Variants in CKAP5 observed in about 807,000 individuals in gnomAD.
CKAP5 encodes cytoskeleton-associated protein 5.
Under a neutral mutation model 232.8 loss-of-function variants are expected in CKAP5, and 27 were observed. That is an observed-to-expected ratio of 0.12 (90% CI 0.09 to 0.16). The LOEUF (loss-of-function observed/expected upper bound fraction) is 0.16. Among genes scored for constraint, CKAP5 ranks in the 10% least tolerant of loss-of-function variants. The pLI is 1.00. For missense variants in CKAP5, 1,838 were observed against 2,424.7 expected, an observed-to-expected ratio of 0.76 and a Z score of 5.08; for synonymous variants, 785 against 841.1, an observed-to-expected ratio of 0.93 and a Z score of 1.16.
intron 4 of CKAP5, among the ~76,000 whole-genome samples, chr11:46,811,478 C>T (rs1939273035): frequency 6.6e-6 from 1 of 151,188 alleles, no homozygotes; most frequent in African/African-American, 2.4e-5. Flanking sequence ...GTTTAATACC[C>T]TTTTTTTTTC....
intron 12 of CKAP5, 43 bp downstream of exon 12, chr11:46,796,769 C>A: frequency 6.2e-7 from 1 of 1,606,664 alleles, no homozygotes; most frequent in Non-Finnish European, 8.5e-7. Context: ...TGCAAAGAGA[C>A]AGGAATGTTG....
chr11:46,802,553 G>GACACACACAC (rs372896887), intron 8 of CKAP5, among the ~76,000 whole-genome samples: 194 of 142,526 alleles, frequency 1.4e-3, no homozygotes, highest in South Asian at 4.2e-3. Context: ...CAGACAGACA[G>GACACACACAC]ACAGACACAC....
chr11:46,821,637 G>C (rs1429432268), intron 1 of CKAP5, among the ~76,000 whole-genome samples: 1 of 151,930 alleles, frequency 6.6e-6, no homozygotes, highest in Non-Finnish European at 1.5e-5. Flanking sequence ...ATGTTAGCCA[G>C]GACAGTCTCG....
At chr11:46,845,847 A>C (rs1175555606) in intron 1 of CKAP5, among the ~76,000 whole-genome samples, 1 of 152,136 alleles carries the variant, frequency 6.6e-6, no homozygotes, top group Non-Finnish European at 1.5e-5. Flanking sequence ...CTTGACAATT[A>C]CGCGAGAGGC....
chr11:46,807,583 G>A (rs1939185863), intron 8 of CKAP5, among the ~76,000 whole-genome samples: 1 of 152,190 alleles, frequency 6.6e-6, no homozygotes, highest in Non-Finnish European at 1.5e-5. Flanking sequence ...TCCTAAAAAT[G>A]TTTATCTCTT....
chr11:46,749,042 G>A (rs1238090870), intron 42 of CKAP5, among the ~76,000 whole-genome samples: 1 of 151,132 alleles, frequency 6.6e-6, no homozygotes, highest in East Asian at 2.1e-4. Flanking sequence ...ATATTGGCCA[G>A]GCTAGTCTTG....
At chr11:46,804,260 C>T (rs1939102653) in intron 8 of CKAP5, among the ~76,000 whole-genome samples, 1 of 152,080 alleles carries the variant, frequency 6.6e-6, no homozygotes, top group Non-Finnish European at 1.5e-5. Context: ...GACCAGATAC[C>T]CTAATATAAT....
chr11:46,781,960 G>T (rs2065346361), intron 18 of CKAP5, among the ~76,000 whole-genome samples: 1 of 151,990 alleles, frequency 6.6e-6, no homozygotes, highest in Non-Finnish European at 1.5e-5. Context: ...TGAGTAGCTG[G>T]GATTACAGGC....
At chr11:46,752,191 T>TATATAC (rs1555160680) in intron 38 of CKAP5, among the ~76,000 whole-genome samples, 2 of 73,166 alleles carry the variant, frequency 2.7e-5, no homozygotes, top group African/African-American at 9.1e-5. Flanking sequence ...TATATATATA[T>TATATAC]ATACACACAC....
At chr11:46,758,854 T>G (rs1304655389) in intron 35 of CKAP5, 69 bp downstream of exon 35, 1 of 1,557,334 alleles carries the variant, frequency 6.4e-7, no homozygotes, top group South Asian at 1.2e-5. Context: ...TCTGCGAGTG[T>G]GCAATTCATC....
chr11:46,773,280 G>A (rs1235097357), intron 24 of CKAP5, among the ~76,000 whole-genome samples: 2 of 147,528 alleles, frequency 1.4e-5, no homozygotes, highest in Admixed American at 6.8e-5. Flanking sequence ...ACGAAGTTTC[G>A]CTTTTGTTGC....
intron 1 of CKAP5, among the ~76,000 whole-genome samples, chr11:46,825,764 A>G (rs1939638176): frequency 6.6e-6 from 1 of 152,220 alleles, no homozygotes. Context: ...AAAAAAAAAA[A>G]AAGAAATTAT....
At chr11:46,796,118 T>C (rs1281099725) in intron 12 of CKAP5, among the ~76,000 whole-genome samples, 1 of 144,990 alleles carries the variant, frequency 6.9e-6, no homozygotes, top group African/African-American at 2.6e-5. Flanking sequence ...TAAGCTGAGA[T>C]TGTGCCACTG....
intron 8 of CKAP5, among the ~76,000 whole-genome samples, chr11:46,802,641 C>T (rs1939060923): frequency 6.6e-6 from 1 of 151,836 alleles, no homozygotes; most frequent in Non-Finnish European, 1.5e-5. Context: ...TTTTTAAATG[C>T]CCCCAACTCT....
intron 7 of CKAP5, 96 bp downstream of exon 7, chr11:46,809,303 AG>A: frequency 8.1e-6 from 6 of 742,876 alleles, no homozygotes; most frequent in Non-Finnish European, 1.1e-5. Flanking sequence ...ATGGGATGGA[AG>A]GGGGTGCATC....
chr11:46,752,219 C>CACACACACAT (rs1555160695), intron 38 of CKAP5, among the ~76,000 whole-genome samples: 4,397 of 84,926 alleles, frequency 0.052, 477 homozygotes, highest in East Asian at 0.17. Flanking sequence ...CACACACACA[C>CACACACACAT]ACACACACAC....
intron 15 of CKAP5, among the ~76,000 whole-genome samples, chr11:46,789,865 T>C (rs1358447286): frequency 6.6e-6 from 1 of 152,200 alleles, no homozygotes; most frequent in African/African-American, 2.4e-5. Context: ...TATTAAGTCA[T>C]GAGCTTATAA....
At chr11:46,762,285 A>C in intron 31 of CKAP5, 92 bp from the exon 32 acceptor site, 1 of 1,338,982 alleles carries the variant, frequency 7.5e-7, no homozygotes, top group South Asian at 1.2e-5. Flanking sequence ...GCATATATGA[A>C]GGACTAAAAC....
Position 46,778,130 on chromosome 11 carries a change from T to C in CKAP5, c.2748+9A>G. The C allele has an allele frequency of 6.2e-7, 1 of 1,611,464 alleles. No individual in the cohort carries two copies. The highest frequency in any genetic ancestry group is 8.5e-7 in the Non-Finnish European group (1 of 1,178,268). On this transcript the variant is annotated intron_variant, in intron 22 of 43. Transcript: ENST00000529230. ...GGAGATAAAAAGAACAGCCGTATGC[T>C]CTACATACCAAGATTTTATTTGAAT...
Sources: gnomAD v4.1 joint callset for allele counts (sites outside exome capture counted in the v4.1 genomes callset) on GRCh38, gnomAD v4.1.1 for gene constraint, MANE v1.5 for transcripts, NCBI Gene and HGNC (gene_info 2026-07-23, HGNC 2026-07-21) for gene names.